Variants in YWHAZ observed in about 807,000 individuals in gnomAD.
YWHAZ encodes 14-3-3 protein zeta/delta.
For missense variants in YWHAZ, 79 were observed against 284.8 expected, an observed-to-expected ratio of 0.28 and a Z score of 5.20; for synonymous variants, 87 against 103.6, an observed-to-expected ratio of 0.84 and a Z score of 0.97.
In YWHAZ at chr8:100,922,279, C is replaced by CA. The variant is rs1813072480; in HGVS notation, c.679-1528dup. ...GTTTTGGGATAATTTCTTTTCTTGA[C>CA]AGATAAATGTTCCAATCAACCTATA... is the stretch of plus-strand genomic sequence containing the variant. On this transcript the variant is annotated intron_variant, in intron 5 of 5. Coordinates refer to ENST00000395958, the MANE Select transcript of YWHAZ (RefSeq NM_145690.3). The surrounding 1 kb of genome is among the most constrained non-coding windows in gnomAD (Gnocchi z 4.1). Among the ~76,000 whole-genome samples the CA allele has an allele frequency of 1.3e-5, 2 of 152,074 alleles. No homozygotes were observed. Among genetic ancestry groups the CA allele is most frequent in the African/African-American group, 4.8e-5 (2 of 41,406 alleles).
Position 100,918,408 on chromosome 8 carries a change from T to TTATATATATATATTTA in YWHAZ, c.*2284_*2285insTAAATATATATATATA, listed in dbSNP as rs1554611378. 2.4e-5 allele frequency: 1 copy of TTATATATATATATTTA among 41,882 alleles called. No homozygotes were observed. The highest frequency in any genetic ancestry group is 7.1e-5 in the African/African-American group (1 of 14,100). 2.6% of individuals were successfully genotyped at this position (41,882 alleles called of 1,614,324 possible). A position where few individuals can be genotyped will look rare whatever the true frequency, so the allele number is the denominator to read the frequency against. On this transcript the variant is annotated 3_prime_UTR_variant, in exon 6 of 6. Transcript: ENST00000395958. The stretch of plus-strand genomic sequence containing the variant: ...AGTCTAGCTATAAAATATAATTACT[T>TTATATATATATATTTA]TATATATATATATATATATATATAT...
rs766273677 is a variant in YWHAZ at position 100,948,386 on chromosome 8, C to G, written c.294+210G>C. 2.0e-5 allele frequency among the ~76,000 whole-genome samples: 3 copies of G among 152,110 alleles called. No homozygotes were observed. The highest frequency in any genetic ancestry group is 4.8e-5 in the African/African-American group (2 of 41,396). On this transcript the variant is annotated intron_variant, in intron 2 of 5. Coordinates refer to ENST00000395958, the MANE Select transcript of YWHAZ (RefSeq NM_145690.3). The surrounding 1 kb of genome is among the most constrained non-coding windows in gnomAD (Gnocchi z 4.2). ...GTCTGTTATTTTTAACAAAACTGAA[C>G]TGTTTCATAATCATTGTTGCAATTA...
At chr8:100,936,289 C>T (rs548934028) in intron 2 of YWHAZ, among the ~76,000 whole-genome samples, 2 of 152,282 alleles carry the variant, frequency 1.3e-5, no homozygotes, top group East Asian at 3.9e-4. Context: ...AGTTTGTAAC[C>T]TTTGACAAAG....
intron 1 of YWHAZ, chr8:100,950,626 G>A (rs931276208): frequency 1.2e-5 from 12 of 986,074 alleles, no homozygotes; most frequent in Admixed American, 6.2e-5. Context: ...GGAGCCAGAG[G>A]GAGGAGCAGC....
intron 1 of YWHAZ, chr8:100,951,558 T>G (rs1810784868): frequency 1.0e-6 from 1 of 983,482 alleles, no homozygotes; most frequent in Non-Finnish European, 1.2e-6. Context: ...GAGACAAGGG[T>G]GGGGATGGAT....
intron 2 of YWHAZ, among the ~76,000 whole-genome samples, chr8:100,927,058 C>T (rs17462991): frequency 0.041 from 6,184 of 152,248 alleles, 148 homozygotes; most frequent in Non-Finnish European, 0.057. Flanking sequence ...GCAGAGACCT[C>T]TAAGATTATT....
upstream of YWHAZ, chr8:100,952,940 A>C (rs1428849119): frequency 3.0e-6 from 3 of 999,882 alleles, no homozygotes; most frequent in South Asian, 4.7e-5. Flanking sequence ...AGTGATGGGG[A>C]GGCGTTCCAA....
At chr8:100,947,040 T>A (rs1229839723) in intron 2 of YWHAZ, among the ~76,000 whole-genome samples, 4 of 150,224 alleles carry the variant, frequency 2.7e-5, no homozygotes, top group African/African-American at 9.8e-5. Context: ...GATCACGAGG[T>A]CAGGAGATCG....
chr8:100,935,289 C>G (rs777879647), intron 2 of YWHAZ, among the ~76,000 whole-genome samples: 1 of 152,166 alleles, frequency 6.6e-6, no homozygotes, highest in South Asian at 2.1e-4. Flanking sequence ...GAATAATATA[C>G]GCATAACTGT....
intron 2 of YWHAZ, among the ~76,000 whole-genome samples, chr8:100,925,811 A>C (rs924434477): frequency 6.6e-6 from 1 of 152,236 alleles, no homozygotes; most frequent in African/African-American, 2.4e-5. Context: ...ACTGATTTTA[A>C]AGCAAAAAGA....
upstream of YWHAZ, chr8:100,952,076 A>C: frequency 5.1e-6 from 5 of 987,424 alleles, no homozygotes; most frequent in Non-Finnish European, 6.0e-6. Flanking sequence ...GGTTTCCTCC[A>C]ATCACCAGCC....
At position 100,951,992 on chromosome 8, in the gene YWHAZ, G is replaced by GGCAGCA. The variant is rs1461651985; in HGVS notation, c.-81_-76dup. ...TCAGCAGTCTCTGGGCGGCGGCGGC[G>GGCAGCA]GCAGCAGCGGCGAGGCTGAGACTCT... On this transcript the variant is annotated 5_prime_UTR_variant, in exon 1 of 6. Coordinates refer to ENST00000395958, the MANE Select transcript of YWHAZ (RefSeq NM_145690.3). 3 of 1,001,450 alleles carry GGCAGCA rather than the reference G, an allele frequency of 3.0e-6. No individual in the cohort carries two copies. Among genetic ancestry groups the GGCAGCA allele is most frequent in the Non-Finnish European group, 3.6e-6 (3 of 840,698 alleles). The allele number at this position is 1,001,450 out of a possible 1,614,324, so 62.0% of individuals were successfully genotyped here.
intron 2 of YWHAZ, among the ~76,000 whole-genome samples, chr8:100,940,038 G>C (rs79977610): frequency 6.7e-6 from 1 of 149,356 alleles, no homozygotes; most frequent in Non-Finnish European, 1.5e-5. Context: ...ACTCCAGCCT[G>C]GGGGACAGAG....
chr8:100,925,377 C>T (rs926096671), intron 2 of YWHAZ, among the ~76,000 whole-genome samples: 2 of 152,164 alleles, frequency 1.3e-5, no homozygotes, highest in African/African-American at 4.8e-5. Context: ...AGCTGGCAAG[C>T]TTTCCATCTG....
upstream of YWHAZ, chr8:100,953,171 C>T (rs1459168686): frequency 1.0e-6 from 1 of 985,556 alleles, no homozygotes; most frequent in African/African-American, 1.7e-5. Context: ...GACAGGCAGT[C>T]AGGCGTGACC....
chr8:100,929,367 CTT>C, intron 2 of YWHAZ, among the ~76,000 whole-genome samples: 1 of 152,206 alleles, frequency 6.6e-6, no homozygotes, highest in South Asian at 2.1e-4. Context: ...ACCCAGCTAA[CTT>C]TTGTATCTTT....
intron 2 of YWHAZ, among the ~76,000 whole-genome samples, chr8:100,942,629 A>G (rs543549297): frequency 2.6e-5 from 4 of 152,354 alleles, no homozygotes; most frequent in Non-Finnish European, 4.4e-5. Context: ...CAAGATTAAA[A>G]TAAGTCCTAA....
intron 1 of YWHAZ, chr8:100,950,798 A>T (rs1201249619): frequency 1.2e-5 from 2 of 173,742 alleles, no homozygotes; most frequent in Non-Finnish European, 2.3e-5. Context: ...GCCACCGATC[A>T]GCGCCGGTGA....
At chr8:100,934,573 C>A (rs932163441) in intron 2 of YWHAZ, among the ~76,000 whole-genome samples, 1 of 151,848 alleles carries the variant, frequency 6.6e-6, no homozygotes, top group African/African-American at 2.4e-5. Flanking sequence ...TGGTGGCAGG[C>A]GCCTGTAATC....
Sources: gnomAD v4.1 joint callset for allele counts (sites outside exome capture counted in the v4.1 genomes callset) on GRCh38, gnomAD v4.1.1 for gene constraint, Gnocchi (gnomAD v3.1) non-coding constraint, MANE v1.5 for transcripts, NCBI Gene and HGNC (gene_info 2026-07-23, HGNC 2026-07-21) for gene names.